The following ARHGAP23 variants were observed in gnomAD, a reference collection of about 807,000 sequenced individuals.
ARHGAP23 encodes Rho GTPase activating protein 23.
A neutral mutation model predicts 136.3 loss-of-function variants in ARHGAP23; 34 were observed. The observed-to-expected ratio is 0.25, with a 90% CI of 0.19 to 0.33. The LOEUF is 0.33. ARHGAP23 is among the 10% of genes least tolerant of loss of function. The pLI is 1.00. For synonymous variants in ARHGAP23, 832 were observed against 920.5 expected, an observed-to-expected ratio of 0.90 and a Z score of 1.74; for missense variants, 1,808 against 2,139.0, an observed-to-expected ratio of 0.85 and a Z score of 3.05.
Position 38,511,212 on chromosome 17 carries a change from G to A in ARHGAP23, c.*240G>A. The A allele has an allele frequency of 2.1e-6, 1 of 477,804 alleles. No individual in the cohort carries two copies. Among genetic ancestry groups the A allele is most frequent in the Non-Finnish European group, 3.6e-6 (1 of 279,208 alleles). 29.6% of individuals were successfully genotyped at this position (477,804 alleles called of 1,614,324 possible). A position where few individuals can be genotyped will look rare whatever the true frequency, so the allele number is the denominator to read the frequency against. On this transcript the variant is annotated 3_prime_UTR_variant, in exon 24 of 24. Coordinates refer to ENST00000622683, the MANE Select transcript of ARHGAP23 (RefSeq NM_001199417.2). ...TGATGAGCAGAAGAGGAGGGGGCGT[G>A]GGCTGCTGGGGTCTGTGTCCCTGCA...
At position 38,510,817 on chromosome 17, in the gene ARHGAP23, G is replaced by A; in HGVS notation, c.4321G>A (p.Asp1441Asn). The A allele has an allele frequency of 2.0e-6, 3 of 1,507,482 alleles. No individual in the cohort carries two copies. Among genetic ancestry groups the A allele is most frequent in the Non-Finnish European group, 2.6e-6 (3 of 1,132,088 alleles). 93.4% of individuals were successfully genotyped at this position (1,507,482 alleles called of 1,614,324 possible). Reference protein sequence around the residue: ...PEPAGARAHSDNKDSGLSSLE... With the variant: ...PEPAGARAHSNNKDSGLSSLE... Reference sequence around the variant, plus strand: ...GCCTGCGGGCGCGCGGGCGCACAGTGACAACAAGGACTCCGGACTCAGCAG... The same window carrying A: ...GCCTGCGGGCGCGCGGGCGCACAGTAACAACAAGGACTCCGGACTCAGCAG... The change falls in exon 24 of 24, where the codon GAC becomes AAC. Residue 1441 changes from aspartate (D) to asparagine (N), a missense_variant. Around this residue, in one of 7 missense-constraint regions of ARHGAP23, gnomAD observed 506 missense variants for 455.8 expected, o/e 1.11. Transcript: ENST00000622683. This position sits in a 1 kb window ranked among gnomAD's most constrained non-coding sequence, Gnocchi z 4.6.
chr17:38,477,725 C>T lies in ARHGAP23; in HGVS notation c.2265C>T (p.Pro755=), dbSNP rs558035176. ...GCGCAGGTGAGGACGAGGCGGCGCC[C>T]GTCTGCATCGGCTCCTGCCTCGTGG... is the stretch of plus-strand genomic sequence containing the variant. ...AAGAGEDEAA[P]VCIGSCLVDI... The change falls in exon 12 of 24, where the codon CCC becomes CCT. Residue 755 remains proline (P), a synonymous_variant. Transcript: ENST00000622683. This position sits in a 1 kb window ranked among gnomAD's most constrained non-coding sequence, Gnocchi z 6.6. 3.0e-5 allele frequency: 47 copies of T among 1,546,616 alleles called. No homozygotes were observed. The highest frequency in any genetic ancestry group is 2.0e-4 in the South Asian group (17 of 84,024).
intron 3 of ARHGAP23, among the ~76,000 whole-genome samples, chr17:38,461,525 T>C (rs1384823644): frequency 1.3e-5 from 2 of 152,188 alleles, no homozygotes; most frequent in Admixed American, 1.3e-4. Context: ...GGGCTTTCGC[T>C]GGGCAGCCAT....
chr17:38,466,118 C>T, intron 6 of ARHGAP23, 49 bp from the exon 7 acceptor site: 2 of 1,416,372 alleles, frequency 1.4e-6, no homozygotes, highest in Non-Finnish European at 1.9e-6. Flanking sequence ...TTCCCCTACC[C>T]TGTGGGACTT....
At chr17:38,490,305 C>T (rs1456213340) in intron 18 of ARHGAP23, 130 bp downstream of exon 18, 3 of 1,146,872 alleles carry the variant, frequency 2.6e-6, no homozygotes, top group Non-Finnish European at 1.3e-6. Context: ...CACTCAGGGC[C>T]TCAGTTTCCC....
chr17:38,496,875 C>T (rs2040403658), intron 20 of ARHGAP23, among the ~76,000 whole-genome samples: 1 of 151,598 alleles, frequency 6.6e-6, no homozygotes, highest in Admixed American at 6.6e-5. Flanking sequence ...ATCACTTGAA[C>T]ACAGGAGGCA....
chr17:38,436,811 C>T (rs2038808180), intron 1 of ARHGAP23, among the ~76,000 whole-genome samples: 1 of 152,196 alleles, frequency 6.6e-6, no homozygotes, highest in Non-Finnish European at 1.5e-5. Flanking sequence ...CTGCAGCCTA[C>T]ACAAGCCAAT....
rs886823662 is a variant in ARHGAP23, at chr17:38,477,952, G to A, written c.2436+56G>A. ...AGGGCGGGCGGGGTGGCCTCTCACC[G>A]GCTGTGGACCTGGGATGCCCGCTCT... On this transcript the variant is annotated intron_variant, in intron 12 of 23. Coordinates refer to ENST00000622683, the MANE Select transcript of ARHGAP23 (RefSeq NM_001199417.2). This position sits in a 1 kb window ranked among gnomAD's most constrained non-coding sequence, Gnocchi z 6.6. 156 of 1,532,902 alleles carry A rather than the reference G, an allele frequency of 1.0e-4. No homozygotes were observed. The highest frequency in any genetic ancestry group is 1.3e-4 in the Non-Finnish European group (147 of 1,133,592). 95.0% of individuals were successfully genotyped at this position (1,532,902 alleles called of 1,614,324 possible). A position where few individuals can be genotyped will look rare whatever the true frequency, so the allele number is the denominator to read the frequency against.
At chr17:38,463,883 AAC>A (rs747178267) in intron 6 of ARHGAP23, among the ~76,000 whole-genome samples, 7 of 152,042 alleles carry the variant, frequency 4.6e-5, no homozygotes, top group Non-Finnish European at 1.0e-4. Context: ...AGCACACCAC[AAC>A]ACACATGCAG....
At chr17:38,500,094 T>C (rs2040488358) in intron 22 of ARHGAP23, among the ~76,000 whole-genome samples, 1 of 152,188 alleles carries the variant, frequency 6.6e-6, no homozygotes, top group Admixed American at 6.5e-5. Context: ...TATCCATTAT[T>C]CATGTGGTCC....
At chr17:38,436,947 G>T (rs2038811054) in intron 1 of ARHGAP23, among the ~76,000 whole-genome samples, 1 of 152,208 alleles carries the variant, frequency 6.6e-6, no homozygotes, top group South Asian at 2.1e-4. Flanking sequence ...TTGGTGATAT[G>T]ATTAATCTCC....
chr17:38,476,831 A>AGAT (rs2039903319), intron 11 of ARHGAP23, among the ~76,000 whole-genome samples: 2 of 151,958 alleles, frequency 1.3e-5, no homozygotes, highest in Non-Finnish European at 2.9e-5. Flanking sequence ...GCCATAGCAC[A>AGAT]CCCTCCAGCT....
intron 16 of ARHGAP23, among the ~76,000 whole-genome samples, chr17:38,483,508 G>T (rs1186248224): frequency 6.6e-6 from 1 of 152,270 alleles, no homozygotes; most frequent in African/African-American, 2.4e-5. Flanking sequence ...ACCCTGCTTT[G>T]CCCTGTCTGT....
intron 7 of ARHGAP23, among the ~76,000 whole-genome samples, chr17:38,468,917 C>T (rs1349280347): frequency 6.6e-6 from 1 of 152,182 alleles, no homozygotes; most frequent in Non-Finnish European, 1.5e-5. Flanking sequence ...TCCTCTGGAG[C>T]CCGGTCTAAG....
chr17:38,509,329 G>C (rs1471738585), intron 23 of ARHGAP23, among the ~76,000 whole-genome samples: 9 of 152,150 alleles, frequency 5.9e-5, no homozygotes, highest in Admixed American at 5.9e-4. Context: ...TGCAGGGGCG[G>C]AGCTGGCGGC....
At chr17:38,497,177 C>G (rs1308731444) in intron 20 of ARHGAP23, among the ~76,000 whole-genome samples, 1 of 152,114 alleles carries the variant, frequency 6.6e-6, no homozygotes, top group Non-Finnish European at 1.5e-5. Flanking sequence ...TCAAATTTTA[C>G]AAAATATATT....
At chr17:38,490,028 A>C in intron 17 of ARHGAP23, 74 bp from the exon 18 acceptor site, 1 of 1,423,584 alleles carries the variant, frequency 7.0e-7, no homozygotes, top group Non-Finnish European at 9.7e-7. Context: ...CAGCCCTCCC[A>C]GCAGGGCCCT....
chr17:38,420,104 G>C (rs1021307251), intron 1 of ARHGAP23, among the ~76,000 whole-genome samples: 2 of 152,188 alleles, frequency 1.3e-5, no homozygotes, highest in Non-Finnish European at 2.9e-5. Flanking sequence ...TGTGGGCTGG[G>C]CTCAGTGGGC....
intron 1 of ARHGAP23, among the ~76,000 whole-genome samples, chr17:38,433,028 C>T (rs1230268516): frequency 1.3e-5 from 2 of 152,210 alleles, no homozygotes; most frequent in Non-Finnish European, 2.9e-5. Flanking sequence ...GCTTGGTACA[C>T]TGCAGCCTTG....
Sources: allele counts gnomAD v4.1 joint callset (sites outside exome capture counted in the v4.1 genomes callset), GRCh38; gene constraint gnomAD v4.1.1; regional missense constraint gnomAD v4.1.1; non-coding constraint Gnocchi (gnomAD v3.1); transcripts MANE v1.5; gene names NCBI Gene and HGNC (gene_info 2026-07-23, HGNC 2026-07-21).